Variants in CACNA2D3 observed in about 807,000 individuals in gnomAD.
CACNA2D3 encodes the protein calcium voltage-gated channel auxiliary subunit alpha2delta 3, also known as voltage-dependent calcium channel subunit alpha-2/delta-3.
CACNA2D3 carries 60 observed loss-of-function variants against 160.6 expected under a neutral mutation model. The observed-to-expected ratio is 0.37, with a 90% CI of 0.30 to 0.46. The LOEUF is 0.46. Among genes scored for constraint, CACNA2D3 ranks in the 20% least tolerant of loss-of-function variants. The probability of loss-of-function intolerance (pLI) is 1.00; values close to 1 mark genes in which losing one functional copy is unlikely to be tolerated. For synonymous variants in CACNA2D3, 558 were observed against 492.9 expected (o/e 1.13, Z -1.75); for missense variants, 1,205 against 1,365.0 (o/e 0.88, Z 1.85).
chr3:54,338,770 C>G (rs1436356732), intron 3 of CACNA2D3, among the ~76,000 whole-genome samples: 2 of 152,120 alleles, frequency 1.3e-5, no homozygotes, highest in East Asian at 1.9e-4. Context: ...GCTTCCAGAT[C>G]ATCTGCTGTA....
rs553159427 is a variant in CACNA2D3, at chr3:54,670,413, C to G, written c.1167+28172C>G. Among the ~76,000 whole-genome samples, 23 of 152,266 alleles carry G rather than the reference C, an allele frequency of 1.5e-4. No homozygotes were observed. In the East Asian group the frequency reaches 4.4e-3, roughly 29 times the overall value. ...GCCCTAATAAATCAGAGAAGCTTTG[C>G]GGAGATGGGCTGGACCATAATGAAT... On this transcript the variant is annotated intron_variant, in intron 11 of 37. Transcript: ENST00000474759.
At chr3:54,616,985 T>C (rs777453514) in intron 9 of CACNA2D3, among the ~76,000 whole-genome samples, 1 of 152,284 alleles carries the variant, frequency 6.6e-6, no homozygotes, top group Non-Finnish European at 1.5e-5. Context: ...CTGCTGGGCC[T>C]GAAAACATCC....
chr3:54,515,373 A>T (rs954460654), intron 5 of CACNA2D3, among the ~76,000 whole-genome samples: 3 of 134,128 alleles, frequency 2.2e-5, no homozygotes, highest in Non-Finnish European at 3.2e-5. Context: ...ATTAAAAATG[A>T]AAGAACTAAA....
intron 27 of CACNA2D3, among the ~76,000 whole-genome samples, chr3:54,912,973 A>C (rs1251278264): frequency 6.6e-6 from 1 of 152,000 alleles, no homozygotes; most frequent in African/African-American, 2.4e-5. Context: ...TTTGTTTTTA[A>C]ACTCAGGGTC....
At chr3:54,793,619 A>T (rs948321041) in intron 13 of CACNA2D3, among the ~76,000 whole-genome samples, 2 of 152,204 alleles carry the variant, frequency 1.3e-5, no homozygotes, top group Non-Finnish European at 2.9e-5. Context: ...GCCCTCGCCT[A>T]GAACTCTAAT....
chr3:54,249,178 CT>C (rs1702135161), intron 2 of CACNA2D3, among the ~76,000 whole-genome samples: 1 of 152,022 alleles, frequency 6.6e-6, no homozygotes, highest in Admixed American at 6.6e-5. Context: ...GAAGTATGAC[CT>C]TGTTGTTGTT....
intron 2 of CACNA2D3, among the ~76,000 whole-genome samples, chr3:54,152,836 A>T (rs1019706663): frequency 1.3e-5 from 2 of 152,154 alleles, no homozygotes; most frequent in Non-Finnish European, 2.9e-5. Flanking sequence ...CTCAGGGCTT[A>T]TTTTTCATGA....
chr3:54,637,380 T>A (rs1219265188), intron 10 of CACNA2D3, among the ~76,000 whole-genome samples: 1 of 151,648 alleles, frequency 6.6e-6, no homozygotes, highest in Non-Finnish European at 1.5e-5. Flanking sequence ...GGCTTTTGAT[T>A]GGGAAGAAGG....
chr3:54,945,287 G>T (rs1701584219), intron 27 of CACNA2D3, among the ~76,000 whole-genome samples: 1 of 152,212 alleles, frequency 6.6e-6, no homozygotes, highest in African/African-American at 2.4e-5. Flanking sequence ...GTGCCCTCCA[G>T]TCTGTCTGTG....
intron 4 of CACNA2D3, among the ~76,000 whole-genome samples, chr3:54,405,766 C>T (rs961086432): frequency 1.9e-4 from 28 of 150,902 alleles, no homozygotes; most frequent in African/African-American, 6.6e-4. Flanking sequence ...AAACAATTAA[C>T]AAAAATATTG....
intron 13 of CACNA2D3, among the ~76,000 whole-genome samples, chr3:54,779,298 C>T (rs912711344): frequency 6.6e-6 from 1 of 152,096 alleles, no homozygotes; most frequent in African/African-American, 2.4e-5. Flanking sequence ...GAGGTTTCAC[C>T]ATGTTGAACA....
chr3:54,522,347 A>G (rs911536096), intron 5 of CACNA2D3, among the ~76,000 whole-genome samples: 4 of 152,210 alleles, frequency 2.6e-5, no homozygotes, highest in South Asian at 2.1e-4. Flanking sequence ...TGGCAAGTGC[A>G]TAGAAATACA....
rs1700956147 is a variant in CACNA2D3, at chr3:54,482,877, A to T, written c.382-20615A>T. ...CATAGCCCCCTCTCCTGTACTTTAG[A>T]TAGGAAGTGACACACATCACTTCTG... On this transcript the variant is annotated intron_variant, in intron 4 of 37. Coordinates refer to ENST00000474759, the MANE Select transcript of CACNA2D3 (RefSeq NM_018398.3). Among the ~76,000 whole-genome samples the T allele has an allele frequency of 2.0e-5, 3 of 152,268 alleles. No homozygotes were observed. In the South Asian group the frequency reaches 6.2e-4, roughly 32 times the overall value.
At chr3:54,766,865 A>G (rs568301298) in intron 13 of CACNA2D3, among the ~76,000 whole-genome samples, 1 of 152,040 alleles carries the variant, frequency 6.6e-6, no homozygotes, top group African/African-American at 2.4e-5. Context: ...CAAGAATTAT[A>G]TATAGCATAC....
At chr3:54,149,479 T>G (rs1345985000) in intron 2 of CACNA2D3, among the ~76,000 whole-genome samples, 1 of 152,106 alleles carries the variant, frequency 6.6e-6, no homozygotes. Context: ...TTGGGGACTT[T>G]CAGGATCCCT....
rs139722160 is a variant in CACNA2D3 at position 54,969,261 on chromosome 3, A to ATTTT, written c.2512-539_2512-538insTTTT. Among the ~76,000 whole-genome samples, 318 of 127,826 alleles carry ATTTT rather than the reference A, an allele frequency of 2.5e-3. 9 individuals are homozygous for ATTTT. Among genetic ancestry groups the ATTTT allele is most frequent in the African/African-American group, 8.1e-3 (292 of 36,200 alleles). The allele number at this position is 127,826 out of a possible 152,430, so 83.9% of individuals were successfully genotyped here. On this transcript the variant is annotated intron_variant, in intron 28 of 37. Transcript: ENST00000474759. The stretch of plus-strand genomic sequence containing the variant: ...ACTGTTTAATGACAACATAAAGTAG[A>ATTTT]CTTTTTTTTTTTTTTTTTGAGATAG...
At chr3:54,572,893 C>G (rs6805325) in intron 8 of CACNA2D3, among the ~76,000 whole-genome samples, 41,182 of 152,134 alleles carry the variant, frequency 0.27, 6,105 homozygotes, top group Middle Eastern at 0.43. Flanking sequence ...CATTCTTTAT[C>G]AGTCAGGATT....
chr3:54,421,920 T>C (rs903389072), intron 4 of CACNA2D3, among the ~76,000 whole-genome samples: 2 of 152,082 alleles, frequency 1.3e-5, no homozygotes, highest in Non-Finnish European at 2.9e-5. Context: ...AGGTGGGCAG[T>C]CCACCACACC....
At chr3:55,040,664 A>G (rs1703939663) in intron 35 of CACNA2D3, among the ~76,000 whole-genome samples, 2 of 152,172 alleles carry the variant, frequency 1.3e-5, no homozygotes, top group Admixed American at 6.5e-5. Context: ...CAACCTGGGC[A>G]ACATAGTGAG....
Sources: gnomAD v4.1 joint callset for allele counts (sites outside exome capture counted in the v4.1 genomes callset) on GRCh38, gnomAD v4.1.1 for gene constraint, MANE v1.5 for transcripts, NCBI Gene and HGNC (gene_info 2026-07-23, HGNC 2026-07-21) for gene names.